THAP4: variants seen among roughly 807,000 people sequenced by gnomAD.
The protein encoded by THAP4 is peroxynitrite isomerase THAP4.
In THAP4, 18 loss-of-function variants were observed where a neutral mutation model predicts 48.1. The ratio of observed to expected loss-of-function variants is 0.37; its 90% CI spans 0.26 to 0.56. THAP4 has a LOEUF of 0.56. THAP4 is among the 20% of genes least tolerant of loss of function. THAP4 has a pLI of 0.78. For synonymous variants in THAP4, 345 were observed against 324.9 expected, an observed-to-expected ratio of 1.06 and a Z score of -0.66; for missense variants, 656 against 774.9, an observed-to-expected ratio of 0.85 and a Z score of 1.82.
At chr2:241,609,853 A>G (rs1010452917) in intron 2 of THAP4, among the ~76,000 whole-genome samples, 1 of 151,622 alleles carries the variant, frequency 6.6e-6, no homozygotes, top group African/African-American at 2.4e-5. Flanking sequence ...GCCTGTGCGG[A>G]GCACACCCCA....
rs1188083161 is a variant in THAP4, at chr2:241,610,492, A to T, written c.1241-4019T>A. On this transcript the variant is annotated intron_variant, in intron 2 of 5. Transcript: ENST00000407315. The surrounding 1 kb of genome is among the most constrained non-coding windows in gnomAD (Gnocchi z 4.2). ...TCACCTAGCAGGCGTCACAGGGCTC[A>T]CTCAAGAGCTCCAGCAAGAGCAGAG... is the stretch of plus-strand genomic sequence containing the variant. 6.6e-6 allele frequency among the ~76,000 whole-genome samples: 1 copy of T among 152,064 alleles called. No homozygotes were observed.
intron 2 of THAP4, among the ~76,000 whole-genome samples, chr2:241,630,570 G>C (rs1217414274): frequency 6.6e-6 from 1 of 152,130 alleles, no homozygotes; most frequent in East Asian, 1.9e-4. Flanking sequence ...CCTGAGGTCG[G>C]GAGTTCGAGA....
intron 5 of THAP4, among the ~76,000 whole-genome samples, chr2:241,598,170 C>A (rs561963056): frequency 1.3e-5 from 2 of 152,128 alleles, no homozygotes; most frequent in Non-Finnish European, 2.9e-5. Context: ...TGCAGGAGAA[C>A]ATGAATTTGC....
Position 241,601,941 on chromosome 2 carries a change from G to C in THAP4, c.1569C>G (p.His523Gln). The C allele has an allele frequency of 6.2e-7, 1 of 1,613,436 alleles. No homozygotes were observed. The highest frequency in any genetic ancestry group is 8.5e-7 in the Non-Finnish European group (1 of 1,180,038). The change falls in exon 5 of 6, where the codon CAC becomes CAG. Residue 523 changes from histidine to glutamine, a missense_variant. His to Gln is a conservative substitution (Grantham distance 24). Around this residue, in one of 4 missense-constraint regions of THAP4, gnomAD observed 176 missense variants for 256.7 expected, o/e 0.69. Transcript: ENST00000407315. The surrounding 1 kb of genome is among the most constrained non-coding windows in gnomAD (Gnocchi z 4.0). ...VNGQELCIAS[H>Q]SIARISFAKE... ...TGGCGAAGGAGATCCTGGCGATGGA[G>C]TGGGATGCGATGCACAGCTCCTGCC...
chr2:241,621,486 C>A (rs2067428443), intron 2 of THAP4, among the ~76,000 whole-genome samples: 1 of 151,772 alleles, frequency 6.6e-6, no homozygotes, highest in South Asian at 2.1e-4. Context: ...TTGCTGCAAA[C>A]CAAAAATGCT....
At chr2:241,611,150 G>A (rs1344991095) in intron 2 of THAP4, among the ~76,000 whole-genome samples, 2 of 152,206 alleles carry the variant, frequency 1.3e-5, no homozygotes, top group Admixed American at 1.3e-4. Context: ...GGACAGGAGG[G>A]GCCTCTGGGA....
chr2:241,619,830 T>TGAGG (rs2067395755), intron 2 of THAP4, among the ~76,000 whole-genome samples: 1 of 69,280 alleles, frequency 1.4e-5, no homozygotes, highest in Non-Finnish European at 2.7e-5. Flanking sequence ...GAGTTGTGAG[T>TGAGG]CGTGAGTGAG....
At chr2:241,635,828 T>C (rs2067636779) in intron 1 of THAP4, among the ~76,000 whole-genome samples, 1 of 151,474 alleles carries the variant, frequency 6.6e-6, no homozygotes, top group African/African-American at 2.4e-5. Flanking sequence ...AGGGACAGGG[T>C]GGTCAGTTCT....
In THAP4 at chr2:241,618,231, C is replaced by T. The variant is rs898977605; in HGVS notation, c.1241-11758G>A. On this transcript the variant is annotated intron_variant, in intron 2 of 5. Coordinates refer to ENST00000407315, the MANE Select transcript of THAP4 (RefSeq NM_015963.6). ...GGCCCTCAACTTATCAACCATGAAACGGAAGGAGTTGCATGCCCAGGGGAA... is the reference window on the plus strand; with the variant it reads ...GGCCCTCAACTTATCAACCATGAAATGGAAGGAGTTGCATGCCCAGGGGAA... Among the ~76,000 whole-genome samples the T allele has an allele frequency of 1.4e-4, 22 of 152,150 alleles. No homozygotes were observed. The East Asian group carries it at 1.9e-3, about 13-fold the overall frequency.
At chr2:241,595,624 C>T (rs1418673833) in intron 5 of THAP4, among the ~76,000 whole-genome samples, 6 of 150,000 alleles carry the variant, frequency 4.0e-5, no homozygotes, top group African/African-American at 4.9e-5. Context: ...GCAACAAGAG[C>T]GAAACTCTGT....
At position 241,636,936 on chromosome 2, in the gene THAP4, C is replaced by A; in HGVS notation, c.77+5G>T. 3 of 1,263,804 alleles carry A rather than the reference C, an allele frequency of 2.4e-6. No individual in the cohort carries two copies. Among genetic ancestry groups the A allele is most frequent in the South Asian group, 1.4e-5 (1 of 73,342 alleles). 78.3% of individuals were successfully genotyped at this position (1,263,804 alleles called of 1,614,324 possible). A position where few individuals can be genotyped will look rare whatever the true frequency, so the allele number is the denominator to read the frequency against. Reference sequence around the variant, plus strand: ...CGGGGGCGTGGCGGCCCGGGGCCCGCGTACCTGTGGAAGGAGACGGCGCGC... The same window carrying A: ...CGGGGGCGTGGCGGCCCGGGGCCCGAGTACCTGTGGAAGGAGACGGCGCGC... On this transcript the variant is annotated splice_donor_5th_base_variant and intron_variant, in intron 1 of 5. Coordinates refer to ENST00000407315, the MANE Select transcript of THAP4 (RefSeq NM_015963.6).
intron 5 of THAP4, among the ~76,000 whole-genome samples, chr2:241,590,517 A>T (rs79434615): frequency 4.9e-4 from 54 of 109,714 alleles, no homozygotes; most frequent in East Asian, 1.7e-3. Context: ...ACTAGGACAC[A>T]CAGAGCTGCT....
intron 2 of THAP4, among the ~76,000 whole-genome samples, chr2:241,627,927 C>G (rs2067513466): frequency 6.6e-6 from 1 of 152,116 alleles, no homozygotes; most frequent in Non-Finnish European, 1.5e-5. Context: ...CAGCCCTCCC[C>G]ACTGACACAC....
intron 2 of THAP4, among the ~76,000 whole-genome samples, chr2:241,619,782 T>C (rs184267969): frequency 2.7e-3 from 212 of 78,816 alleles, no homozygotes; most frequent in African/African-American, 0.011. Flanking sequence ...AGTGAGTCGG[T>C]GAGTGAGGGG....
chr2:241,589,223 AAG>A (rs2066927090), intron 5 of THAP4, among the ~76,000 whole-genome samples: 1 of 151,204 alleles, frequency 6.6e-6, no homozygotes, highest in African/African-American at 2.4e-5. Flanking sequence ...AAAAAAAAAA[AAG>A]AAAAAGAAAA....
At chr2:241,593,540 A>G (rs900334939) in intron 5 of THAP4, among the ~76,000 whole-genome samples, 1 of 151,888 alleles carries the variant, frequency 6.6e-6, no homozygotes, top group Non-Finnish European at 1.5e-5. Flanking sequence ...CCGAGGCTGA[A>G]TGCAGCACTG....
At chr2:241,586,262 GAAAAA>G (rs11320455) in intron 5 of THAP4, among the ~76,000 whole-genome samples, 11 of 83,984 alleles carry the variant, frequency 1.3e-4, no homozygotes, top group Non-Finnish European at 2.5e-4. Context: ...ATCTGAAGAG[GAAAAA>G]AAAAAAAAAA....
intron 2 of THAP4, among the ~76,000 whole-genome samples, chr2:241,621,394 G>C (rs1264356950): frequency 6.6e-6 from 1 of 152,002 alleles, no homozygotes; most frequent in African/African-American, 2.4e-5. Context: ...ATATGCTAAG[G>C]GCTCTAATGG....
At chr2:241,596,637 T>C (rs368622223) in intron 5 of THAP4, among the ~76,000 whole-genome samples, 2 of 149,800 alleles carry the variant, frequency 1.3e-5, no homozygotes, top group Non-Finnish European at 3.0e-5. Context: ...AAACCCCAAC[T>C]CTACTAAAAA....
Sources: gnomAD v4.1 joint callset for allele counts (sites outside exome capture counted in the v4.1 genomes callset) on GRCh38, gnomAD v4.1.1 for gene constraint, gnomAD v4.1.1 regional missense constraint, Gnocchi (gnomAD v3.1) non-coding constraint, MANE v1.5 for transcripts, NCBI Gene and HGNC (gene_info 2026-07-23, HGNC 2026-07-21) for gene names.